BLNK: variants seen among roughly 807,000 people sequenced by gnomAD.
BLNK encodes the protein B cell linker, also known as B-cell linker protein.
In BLNK, 29 loss-of-function variants were observed where a neutral mutation model predicts 73.5. The ratio of observed to expected loss-of-function variants is 0.39; its 90% CI spans 0.29 to 0.54. BLNK has a LOEUF of 0.54. Ranked by LOEUF, BLNK falls within the 20% of genes least tolerant of loss-of-function variation. The pLI, the probability that BLNK is intolerant of heterozygous loss-of-function variation, is 0.61. For synonymous variants in BLNK, 176 were observed against 200.8 expected (o/e 0.88, Z 1.04); for missense variants, 460 against 562.8 (o/e 0.82, Z 1.85).
intron 11 of BLNK, among the ~76,000 whole-genome samples, 194 bp downstream of exon 11, chr10:96,206,817 T>C (rs2083823435): frequency 6.6e-6 from 1 of 152,274 alleles, no homozygotes; most frequent in African/African-American, 2.4e-5. Flanking sequence ...ATGCATTCTG[T>C]AGCCTACTCT....
At chr10:96,253,977 T>C (rs1554910119) in intron 1 of BLNK, among the ~76,000 whole-genome samples, 2 of 150,330 alleles carry the variant, frequency 1.3e-5, no homozygotes, top group South Asian at 4.2e-4. Flanking sequence ...GCCGAGATCG[T>C]GCCACTGCAC....
chr10:96,241,299 T>C (rs1244933485), intron 3 of BLNK, among the ~76,000 whole-genome samples: 1 of 152,250 alleles, frequency 6.6e-6, no homozygotes, highest in Non-Finnish European at 1.5e-5. Context: ...TGTAGCTCTG[T>C]GGTTTTCACT....
intron 6 of BLNK, among the ~76,000 whole-genome samples, chr10:96,219,312 A>G (rs2084140992): frequency 6.6e-6 from 1 of 152,138 alleles, no homozygotes; most frequent in Admixed American, 6.5e-5. Flanking sequence ...TCCCTGCAGG[A>G]CCTTTTTGGT....
chr10:96,215,713 T>C, intron 7 of BLNK: 1 of 245,192 alleles, frequency 4.1e-6, no homozygotes, highest in East Asian at 1.0e-4. Context: ...ATAAAGGAGT[T>C]TTATTGTTTT....
chr10:96,261,369 C>T (rs530947052), intron 1 of BLNK, among the ~76,000 whole-genome samples: 5 of 152,180 alleles, frequency 3.3e-5, no homozygotes, highest in African/African-American at 4.8e-5. Context: ...AGAATATTTT[C>T]ATCACCCCTA....
chr10:96,231,107 C>G (rs1247119517), intron 3 of BLNK, among the ~76,000 whole-genome samples: 1 of 152,178 alleles, frequency 6.6e-6, no homozygotes, highest in Non-Finnish European at 1.5e-5. Flanking sequence ...TTCTGGGTCC[C>G]CCAGTAGAGA....
In BLNK at chr10:96,197,037, G is replaced by A. The variant is rs782635269; in HGVS notation, c.1122C>T (p.Ser374=). Residue 374 remains serine (S), a synonymous_variant, in exon 16 of 17, where the codon AGC becomes AGT. Transcript: ENST00000224337. ...NKDGSFLIRK[S]SGHDSKQPYT... The stretch of plus-strand genomic sequence containing the variant: ...ATGGTTGTTTGGAATCATGGCCAGA[G>A]CTTTTCCGAATAAGAAATGATCCAT... 1 of 1,612,738 alleles carries A rather than the reference G, an allele frequency of 6.2e-7. No individual in the cohort carries two copies. The highest frequency in any genetic ancestry group is 8.5e-7 in the Non-Finnish European group (1 of 1,179,368).
Position 96,201,071 on chromosome 10 carries a change from AG to A in BLNK, c.935-14del. 6.2e-7 allele frequency: 1 copy of A among 1,609,134 alleles called. No individual in the cohort carries two copies. Among genetic ancestry groups the A allele is most frequent in the Admixed American group, 1.7e-5 (1 of 60,032 alleles). On this transcript the variant is annotated splice_polypyrimidine_tract_variant and intron_variant, in intron 13 of 16. Coordinates refer to ENST00000224337, the MANE Select transcript of BLNK (RefSeq NM_013314.4). ...CCTTCTGTAAATCCTGAAAGGGATC[AG>A]AAAAGTCCTTCAATTAATCTTCATA...
intron 6 of BLNK, among the ~76,000 whole-genome samples, chr10:96,217,039 T>C (rs2084084258): frequency 6.6e-6 from 1 of 152,180 alleles, no homozygotes; most frequent in Admixed American, 6.5e-5. Context: ...ATTTTGCCCA[T>C]TCTGGACATT....
At position 96,218,054 on chromosome 10, in the gene BLNK, T is replaced by TA. The variant is rs587626810; in HGVS notation, c.526-1321dup. The stretch of plus-strand genomic sequence containing the variant: ...ACCATTTACCTAGCACTATTTGTTT[T>TA]AAAAAAGTATTTCTCTATTGAATCG... On this transcript the variant is annotated intron_variant, in intron 6 of 16. Transcript: ENST00000224337. Among the ~76,000 whole-genome samples the TA allele has an allele frequency of 5.3e-3, 813 of 152,344 alleles. 9 individuals are homozygous for TA. The highest frequency in any genetic ancestry group is 9.0e-3 in the Non-Finnish European group (611 of 68,030).
At chr10:96,248,648 G>A (rs188286434) in intron 1 of BLNK, among the ~76,000 whole-genome samples, 9 of 152,276 alleles carry the variant, frequency 5.9e-5, no homozygotes, top group Admixed American at 3.9e-4. Context: ...TTATTGCAGC[G>A]TGATGTGTAA....
intron 1 of BLNK, 61 bp downstream of exon 1, chr10:96,271,291 A>G (rs1009445530): frequency 1.4e-5 from 22 of 1,560,410 alleles, no homozygotes; most frequent in African/African-American, 4.1e-5. Flanking sequence ...CTGAGATGCC[A>G]TAAGAGCACT....
At chr10:96,242,907 C>T in intron 2 of BLNK, 123 bp from the exon 3 acceptor site, 1 of 842,104 alleles carries the variant, frequency 1.2e-6, no homozygotes, top group Non-Finnish European at 2.1e-6. Context: ...TCTCTTGGAC[C>T]AATCAATGGA....
intron 2 of BLNK, among the ~76,000 whole-genome samples, chr10:96,244,609 C>G (rs969036507): frequency 3.3e-5 from 5 of 152,176 alleles, no homozygotes; most frequent in Non-Finnish European, 7.3e-5. Flanking sequence ...AGGGTAGCAC[C>G]TGTGGCCTGG....
chr10:96,196,823 C>T (rs146158599), intron 16 of BLNK, 85 bp downstream of exon 16: 2 of 1,354,828 alleles, frequency 1.5e-6, no homozygotes, highest in Non-Finnish European at 2.1e-6. Context: ...ATCCTTTCTC[C>T]TCATCTCTAG....
chr10:96,192,149 C>G (rs1554893613), intron 16 of BLNK, 57 bp from the exon 17 acceptor site: 2 of 1,600,000 alleles, frequency 1.3e-6, no homozygotes, highest in African/African-American at 1.3e-5. Flanking sequence ...AATTTGAGCT[C>G]CACTCCTCCC....
intron 1 of BLNK, among the ~76,000 whole-genome samples, chr10:96,265,035 C>T (rs568247476): frequency 3.9e-5 from 6 of 152,168 alleles, no homozygotes; most frequent in South Asian, 2.1e-4. Flanking sequence ...GATCTTGGCT[C>T]GTTGCAGCCT....
chr10:96,247,005 C>T lies in BLNK; in HGVS notation c.92G>A (p.Gly31Glu). ...TTACTTTTTGATTTTATTCATTATT[C>T]CACCTTCATTGTTTTTAATATCATG... ...MVHDIKNNEG[G>E]IMNKIKKLKV... Residue 31 changes from glycine to glutamate, a missense_variant, in exon 2 of 17, where the codon GGA (glycine) becomes GAA (glutamate). Around this residue, in one of 3 missense-constraint regions of BLNK, gnomAD observed 139 missense variants for 187.3 expected, o/e 0.74. Coordinates refer to ENST00000224337, the MANE Select transcript of BLNK (RefSeq NM_013314.4). 6.2e-7 allele frequency: 1 copy of T among 1,607,324 alleles called. No individual in the cohort carries two copies. The highest frequency in any genetic ancestry group is 8.5e-7 in the Non-Finnish European group (1 of 1,175,990).
intron 1 of BLNK, among the ~76,000 whole-genome samples, chr10:96,270,770 C>T (rs1057064994): frequency 1.3e-5 from 2 of 152,286 alleles, no homozygotes; most frequent in East Asian, 1.9e-4. Context: ...AGCTCCTTGA[C>T]TCACGCCCAT....
Sources: gnomAD v4.1 joint callset for allele counts (sites outside exome capture counted in the v4.1 genomes callset) on GRCh38, gnomAD v4.1.1 for gene constraint, gnomAD v4.1.1 regional missense constraint, MANE v1.5 for transcripts, NCBI Gene and HGNC (gene_info 2026-07-23, HGNC 2026-07-21) for gene names.